Variants in SPEF2 observed in about 807,000 individuals in gnomAD.
SPEF2 encodes the protein sperm flagella and cilia-associated protein 2.
Under a neutral mutation model 224.6 loss-of-function variants are expected in SPEF2, and 187 were observed. The observed-to-expected ratio is 0.83, with a 90% CI of 0.74 to 0.94. SPEF2 has a LOEUF of 0.94. Ranked by LOEUF, SPEF2 falls within the 40% of genes least tolerant of loss-of-function variation. The pLI is 0.00. For missense variants in SPEF2, 2,170 were observed against 2,135.6 expected, an observed-to-expected ratio of 1.02 and a Z score of -0.32; for synonymous variants, 715 against 707.3, an observed-to-expected ratio of 1.01 and a Z score of -0.17.
chr5:35,751,228 A>G (rs1749593512), intron 23 of SPEF2, among the ~76,000 whole-genome samples: 1 of 147,230 alleles, frequency 6.8e-6, no homozygotes, highest in Admixed American at 6.9e-5. Context: ...ATGGAAAACC[A>G]AACATTATGT....
At chr5:35,675,529 CTTT>C (rs10709245) in intron 10 of SPEF2, 59 of 135,204 alleles carry the variant, frequency 4.4e-4, no homozygotes, top group South Asian at 1.6e-3. Flanking sequence ...GTTAGGATTC[CTTT>C]TTTTTTTTTT....
chr5:35,791,998 C>G (rs1756026790), intron 30 of SPEF2, among the ~76,000 whole-genome samples: 1 of 151,952 alleles, frequency 6.6e-6, no homozygotes, highest in African/African-American at 2.4e-5. Context: ...TGTAGGAAAC[C>G]TTAAAATCAT....
intron 26 of SPEF2, among the ~76,000 whole-genome samples, chr5:35,770,628 G>GGC (rs201827669): frequency 0.019 from 2,903 of 152,138 alleles, 97 homozygotes; most frequent in African/African-American, 0.067. Flanking sequence ...TTCTGTGCCT[G>GGC]GCTTATTTTG....
intron 2 of SPEF2, among the ~76,000 whole-genome samples, chr5:35,629,943 A>G (rs1384903678): frequency 1.3e-5 from 2 of 152,146 alleles, no homozygotes; most frequent in Admixed American, 6.5e-5. Flanking sequence ...TTGTTTATCT[A>G]TTTATCAATT....
At chr5:35,703,730 C>G (rs1312439577) in intron 16 of SPEF2, among the ~76,000 whole-genome samples, 4 of 152,186 alleles carry the variant, frequency 2.6e-5, no homozygotes, top group Non-Finnish European at 5.9e-5. Context: ...CTTCAGTCAC[C>G]TATTCCAATG....
intron 27 of SPEF2, among the ~76,000 whole-genome samples, chr5:35,772,379 T>C (rs1413121479): frequency 6.6e-6 from 1 of 152,140 alleles, no homozygotes; most frequent in African/African-American, 2.4e-5. Flanking sequence ...ATGCTCTAGA[T>C]GGATGCCAAG....
rs541051135 is a variant in SPEF2 at position 35,745,400 on chromosome 5, C to T, written c.3330+5133C>T. Among the ~76,000 whole-genome samples the T allele has an allele frequency of 3.9e-5, 6 of 152,288 alleles. No homozygotes were observed. In the South Asian group the frequency reaches 1.0e-3, roughly 26 times the overall value. ...AGACCCAAGCCCTTTTCTTTCACAG[C>T]TCGGAGGTGGGTATCCTTGAACAAG... On this transcript the variant is annotated intron_variant, in intron 23 of 36. Transcript: ENST00000356031.
chr5:35,705,541 A>C (rs1459014329), intron 17 of SPEF2, 110 bp from the exon 18 acceptor site: 2 of 722,326 alleles, frequency 2.8e-6, no homozygotes, highest in Non-Finnish European at 2.2e-6. Flanking sequence ...TTCAGATACA[A>C]TTATATTGGC....
chr5:35,793,082 C>T, intron 31 of SPEF2, 77 bp from the exon 32 acceptor site: 1 of 1,338,826 alleles, frequency 7.5e-7, no homozygotes, highest in South Asian at 1.4e-5. Flanking sequence ...GAAACTCTCA[C>T]TATGAAAATA....
At chr5:35,634,359 G>T (rs572524602) in intron 2 of SPEF2, among the ~76,000 whole-genome samples, 1 of 152,206 alleles carries the variant, frequency 6.6e-6, no homozygotes, top group Admixed American at 6.5e-5. Flanking sequence ...CTGACAAGAA[G>T]TCAGCTGTTT....
chr5:35,656,505 A>C (rs1002010012), intron 7 of SPEF2, among the ~76,000 whole-genome samples: 1 of 152,192 alleles, frequency 6.6e-6, no homozygotes, highest in African/African-American at 2.4e-5. Flanking sequence ...ATAGTTGAAA[A>C]GTTAGTTTTA....
At chr5:35,668,883 G>A (rs1262336883) in intron 9 of SPEF2, among the ~76,000 whole-genome samples, 2 of 152,036 alleles carry the variant, frequency 1.3e-5, no homozygotes, top group Admixed American at 1.3e-4. Context: ...CATATTGAAA[G>A]AGAATATTAA....
rs747642188 is a variant in SPEF2 at position 35,793,240 on chromosome 5, TG to T, written c.4638del (p.Trp1546CysfsTer45). 40 of 1,614,096 alleles carry T rather than the reference TG, an allele frequency of 2.5e-5. No homozygotes were observed. Among genetic ancestry groups the T allele is most frequent in the Non-Finnish European group, 3.1e-5 (36 of 1,180,044 alleles). On this transcript the variant is annotated frameshift_variant, in exon 32 of 37. Transcript: ENST00000356031. LOFTEE classifies it high-confidence loss of function. ...GTTCCTGTTAGTAACCTCAATGCCT[TG>T]GCCCATTCCCTTGGAGGAGGAGCTC... The part of the protein sequence containing the change: ...RKFLLVTSMP[W>X]PIPLEEELLE...
At chr5:35,792,495 G>A (rs1185443256) in intron 31 of SPEF2, 49 bp downstream of exon 31, 16 of 1,455,990 alleles carry the variant, frequency 1.1e-5, no homozygotes, top group Non-Finnish European at 1.3e-5. Context: ...ATTCTTATTT[G>A]ATCAATGCAT....
chr5:35,765,178 C>T (rs1157939527), intron 26 of SPEF2, among the ~76,000 whole-genome samples: 1 of 152,098 alleles, frequency 6.6e-6, no homozygotes, highest in Non-Finnish European at 1.5e-5. Context: ...GTGTAGTTTT[C>T]CTTGCTTTTG....
At position 35,727,782 on chromosome 5, in the gene SPEF2, G is replaced by A; in HGVS notation, c.3022G>A (p.Gly1008Arg). 6.2e-7 allele frequency: 1 copy of A among 1,613,954 alleles called. No homozygotes were observed. The highest frequency in any genetic ancestry group is 1.1e-5 in the South Asian group (1 of 91,060). Residue 1008 changes from glycine (G) to arginine (R), a missense_variant, in exon 21 of 37, where the codon GGA becomes AGA. By Grantham distance (125) the Gly-to-Arg change is moderately radical. Transcript: ENST00000356031. The part of the protein sequence containing the change: ...VAIVPQPPKP[G>R]SEEWVYVNEP... ...AATAGTGCCACAGCCACCTAAGCCA[G>A]GATCAGAAGAATGGGTCTATGTGAA...
rs1388135398 is a variant in SPEF2, at chr5:35,704,589, A to T, written c.2434A>T (p.Ile812Phe). ...GTCCTATAAAACTGCTCACGAAGAT[A>T]TCAGTCAACGTGTAGCTGCTGAAAA... is the stretch of plus-strand genomic sequence containing the variant. Reference protein sequence around the residue: ...ELSYKTAHEDISQRVAAENQD... With the variant: ...ELSYKTAHEDFSQRVAAENQD... The change falls in exon 17 of 37, where the codon ATC becomes TTC. Residue 812 changes from isoleucine (I) to phenylalanine (F), a missense_variant. Physicochemically the swap from Ile to Phe is conservative, Grantham distance 21. Transcript: ENST00000356031. The T allele has an allele frequency of 3.1e-6, 5 of 1,612,884 alleles. No individual in the cohort carries two copies. Among genetic ancestry groups the T allele is most frequent in the Non-Finnish European group, 4.2e-6 (5 of 1,179,280 alleles).
chr5:35,726,516 A>ATAGAT (rs1435970604), intron 20 of SPEF2, among the ~76,000 whole-genome samples: 1 of 152,178 alleles, frequency 6.6e-6, no homozygotes, highest in Non-Finnish European at 1.5e-5. Flanking sequence ...GATAATAGAT[A>ATAGAT]CTGTTTTTAA....
At chr5:35,629,701 C>T (rs1381289206) in intron 2 of SPEF2, among the ~76,000 whole-genome samples, 1 of 152,090 alleles carries the variant, frequency 6.6e-6, no homozygotes, top group Non-Finnish European at 1.5e-5. Flanking sequence ...CCATCGCCAC[C>T]ATCTAAACAC....
Sources: gnomAD v4.1 joint callset for allele counts (sites outside exome capture counted in the v4.1 genomes callset) on GRCh38, gnomAD v4.1.1 for gene constraint, MANE v1.5 for transcripts, NCBI Gene and HGNC (gene_info 2026-07-23, HGNC 2026-07-21) for gene names.